Variants in KDM2B observed in about 807,000 individuals in gnomAD.
The protein encoded by KDM2B is lysine demethylase 2B.
In KDM2B, 26 loss-of-function variants were observed where a neutral mutation model predicts 150.0. The observed-to-expected ratio is 0.17, with a 90% CI of 0.13 to 0.24. The LOEUF (loss-of-function observed/expected upper bound fraction) is 0.24. Among genes scored for constraint, KDM2B ranks in the 10% least tolerant of loss-of-function variants. The probability of loss-of-function intolerance (pLI) is 1.00; values close to 1 mark genes in which losing one functional copy is unlikely to be tolerated. For synonymous variants in KDM2B, 734 were observed against 729.5 expected, an observed-to-expected ratio of 1.01 and a Z score of -0.10; for missense variants, 1,265 against 1,816.9, an observed-to-expected ratio of 0.70 and a Z score of 5.52.
intron 12 of KDM2B, among the ~76,000 whole-genome samples, chr12:121,463,591 A>T (rs1044757711): frequency 3.6e-4 from 54 of 152,044 alleles, no homozygotes; most frequent in Non-Finnish European, 5.9e-4. Context: ...ATTTAAAAAA[A>T]TTTTTTTGAG....
At chr12:121,494,068 G>A (rs1883649053) in intron 12 of KDM2B, 1 of 154,310 alleles carries the variant, frequency 6.5e-6, no homozygotes, top group South Asian at 2.0e-4. Context: ...ATGTTGGCCA[G>A]GCTGGTCTCG....
intron 12 of KDM2B, among the ~76,000 whole-genome samples, chr12:121,487,336 A>T (rs1371578287): frequency 1.3e-5 from 2 of 152,154 alleles, no homozygotes; most frequent in African/African-American, 4.8e-5. Flanking sequence ...CCTCCCAAGA[A>T]TCTGCCAGAC....
intron 11 of KDM2B, among the ~76,000 whole-genome samples, chr12:121,502,739 G>C (rs1181429455): frequency 7.8e-6 from 1 of 127,710 alleles, no homozygotes; most frequent in East Asian, 2.4e-4. Context: ...CTGGGCAGCA[G>C]AGCGAGACCC....
At chr12:121,561,088 T>C (rs1186665429) in intron 4 of KDM2B, among the ~76,000 whole-genome samples, 1 of 150,504 alleles carries the variant, frequency 6.6e-6, no homozygotes, top group African/African-American at 2.4e-5. Context: ...GCTCCCGGGC[T>C]GCACACACAT....
At chr12:121,501,532 GC>G (rs1884545258) in intron 11 of KDM2B, among the ~76,000 whole-genome samples, 1 of 152,196 alleles carries the variant, frequency 6.6e-6, no homozygotes, top group South Asian at 2.1e-4. Flanking sequence ...AGACTTTGGA[GC>G]GAGCAGAGCC....
At chr12:121,464,003 T>G (rs1283446972) in intron 12 of KDM2B, among the ~76,000 whole-genome samples, 5 of 151,122 alleles carry the variant, frequency 3.3e-5, no homozygotes, top group Non-Finnish European at 7.4e-5. Flanking sequence ...GACAGGAGGA[T>G]CATTGAGGCC....
At position 121,549,186 on chromosome 12, in the gene KDM2B, C is replaced by G. The variant is rs1434701404; in HGVS notation, c.577-203G>C. On this transcript the variant is annotated intron_variant, in intron 5 of 22. Transcript: ENST00000377071. The surrounding 1 kb of genome is among the most constrained non-coding windows in gnomAD (Gnocchi z 4.4). ...AGGAGATGAAACAGTCGCTGGGGGT[C>G]GGGCACGGTAGCTTATACCTCTAAT... Among the ~76,000 whole-genome samples, 1 of 152,120 alleles carries G rather than the reference C, an allele frequency of 6.6e-6. No individual in the cohort carries two copies. Among genetic ancestry groups the G allele is most frequent in the African/African-American group, 2.4e-5 (1 of 41,418 alleles).
chr12:121,516,504 A>G, intron 9 of KDM2B: 1 of 1,395,540 alleles, frequency 7.2e-7, no homozygotes, highest in Admixed American at 2.2e-5. Context: ...CGCCTTCAAA[A>G]GGTTTCAGCC....
intron 12 of KDM2B, among the ~76,000 whole-genome samples, chr12:121,462,275 C>A (rs183468867): frequency 5.9e-5 from 9 of 152,254 alleles, no homozygotes; most frequent in African/African-American, 2.2e-4. Context: ...CCTTAACACA[C>A]GCCTGTAGAC....
At chr12:121,555,541 A>G (rs1395054839) in intron 4 of KDM2B, among the ~76,000 whole-genome samples, 2 of 151,992 alleles carry the variant, frequency 1.3e-5, no homozygotes, top group East Asian at 3.9e-4. Flanking sequence ...CCCGGCTAAT[A>G]TTTGTATTTT....
intron 6 of KDM2B, among the ~76,000 whole-genome samples, chr12:121,545,706 A>G (rs1311023672): frequency 2.0e-5 from 3 of 152,060 alleles, no homozygotes; most frequent in Non-Finnish European, 2.9e-5. Context: ...TCCAATCCCC[A>G]TAGCAACAAG....
downstream of KDM2B, among the ~76,000 whole-genome samples, chr12:121,427,135 A>T (rs1325088062): frequency 6.6e-6 from 1 of 152,168 alleles, no homozygotes; most frequent in African/African-American, 2.4e-5. Context: ...CACAGCAAAC[A>T]TTCCCTTGGG....
At chr12:121,448,154 AC>A (rs1876597605) in intron 13 of KDM2B, among the ~76,000 whole-genome samples, 1 of 151,672 alleles carries the variant, frequency 6.6e-6, no homozygotes, top group South Asian at 2.1e-4. Context: ...CCCTGTCTTT[AC>A]AAAAAAATAC....
At position 121,444,172 on chromosome 12, in the gene KDM2B, G is replaced by C. The variant is rs782814099; in HGVS notation, c.2291C>G (p.Ala764Gly). Residue 764 changes from alanine to glycine, a missense_variant, in exon 16 of 23, where the codon GCC becomes GGC. Around this residue, in one of 11 missense-constraint regions of KDM2B, gnomAD observed 418 missense variants for 402.4 expected, o/e 1.04. Transcript: ENST00000377071. ...CTCCTCACACTCACTCCTCCGCTTG[G>C]CAGGTTCCTGCCCTTCCTTGTTGTC... ...NRDNKEGQEP[A>G]KRRSECEEAP... 7.4e-6 allele frequency: 12 copies of C among 1,612,576 alleles called. No individual in the cohort carries two copies. The highest frequency in any genetic ancestry group is 9.3e-6 in the Non-Finnish European group (11 of 1,180,038).
At chr12:121,535,352 T>G (rs1555308551) in intron 6 of KDM2B, among the ~76,000 whole-genome samples, 1 of 152,066 alleles carries the variant, frequency 6.6e-6, no homozygotes, top group Non-Finnish European at 1.5e-5. Context: ...ATACAAAATG[T>G]GCAGAGTAGA....
At chr12:121,530,732 C>A (rs1256208014) in intron 8 of KDM2B, among the ~76,000 whole-genome samples, 1 of 152,118 alleles carries the variant, frequency 6.6e-6, no homozygotes, top group Non-Finnish European at 1.5e-5. Flanking sequence ...ACAGCCACGC[C>A]CACACCCCTG....
In KDM2B at chr12:121,444,175, G is replaced by A; in HGVS notation, c.2288C>T (p.Pro763Leu). The change falls in exon 16 of 23, where the codon CCT (proline) becomes CTT (leucine). Residue 763 changes from proline to leucine, a missense_variant. This residue lies in a region of KDM2B where 418 missense variants were observed against 402.4 expected (regional missense o/e 1.04). Coordinates refer to ENST00000377071, the MANE Select transcript of KDM2B (RefSeq NM_032590.5). ...CTCACACTCACTCCTCCGCTTGGCA[G>A]GTTCCTGCCCTTCCTTGTTGTCCCG... ...MNRDNKEGQEPAKRRSECEEA... is the reference protein window; with the variant it reads ...MNRDNKEGQELAKRRSECEEA... 1 of 1,612,724 alleles carries A rather than the reference G, an allele frequency of 6.2e-7. No individual in the cohort carries two copies. Among genetic ancestry groups the A allele is most frequent in the African/African-American group, 1.3e-5 (1 of 75,080 alleles).
At chr12:121,578,185 C>T (rs782142055) in intron 2 of KDM2B, among the ~76,000 whole-genome samples, 1 of 152,180 alleles carries the variant, frequency 6.6e-6, no homozygotes, top group Non-Finnish European at 1.5e-5. Flanking sequence ...TAGACAGCTC[C>T]GGCCCAGGTA....
chr12:121,415,509 G>T, the KDM2B span, among the ~76,000 whole-genome samples: 1 of 151,972 alleles, frequency 6.6e-6, no homozygotes, highest in Non-Finnish European at 1.5e-5. Flanking sequence ...CTAGTTACTC[G>T]GGAGGCTGAG....
Sources: allele counts gnomAD v4.1 joint callset (sites outside exome capture counted in the v4.1 genomes callset), GRCh38; gene constraint gnomAD v4.1.1; regional missense constraint gnomAD v4.1.1; non-coding constraint Gnocchi (gnomAD v3.1); transcripts MANE v1.5; gene names NCBI Gene and HGNC (gene_info 2026-07-23, HGNC 2026-07-21).